The following DMD variants were observed in gnomAD, a reference collection of about 807,000 sequenced individuals.
DMD encodes the protein mutant dystrophin.
Under a neutral mutation model 330.1 loss-of-function variants are expected in DMD, and 63 were observed. The observed-to-expected ratio is 0.19, with a 90% CI of 0.16 to 0.24. The LOEUF (loss-of-function observed/expected upper bound fraction) is 0.24. Ranked by LOEUF, DMD falls within the 10% of genes least tolerant of loss-of-function variation. DMD has a pLI of 1.00. For synonymous variants in DMD, 1,223 were observed against 959.8 expected (o/e 1.27, Z -5.07); for missense variants, 3,344 against 2,684.1 (o/e 1.25, Z -5.43).
chrX:32,299,371 A>AC (rs1460253569), intron 42 of DMD, among the ~76,000 whole-genome samples: 1 of 109,946 alleles, frequency 9.1e-6, no homozygotes, highest in Non-Finnish European at 1.9e-5. Context: ...CCAGGAAAAA[A>AC]AAGAAAAAAC....
chrX:33,150,115 C>T (rs1463495230), intron 1 of DMD, among the ~76,000 whole-genome samples: 1 of 110,274 alleles, frequency 9.1e-6, no homozygotes, highest in African/African-American at 3.3e-5. Context: ...ATAAACAGGC[C>T]TTTGGGAGAG....
chrX:32,496,785 A>T (rs1431688207), intron 19 of DMD, among the ~76,000 whole-genome samples: 1 of 112,832 alleles, frequency 8.9e-6, no homozygotes, highest in Non-Finnish European at 1.9e-5. Context: ...AAAAACATTT[A>T]TTGAATGTGA....
At chrX:33,012,637 C>A (rs1387517406) in intron 2 of DMD, among the ~76,000 whole-genome samples, 1 of 111,150 alleles carries the variant, frequency 9.0e-6, no homozygotes, top group South Asian at 3.7e-4. Flanking sequence ...TTTGAGTACC[C>A]ATACATGCAT....
At chrX:31,251,634 ACTAT>A (rs1254620433) in intron 63 of DMD, among the ~76,000 whole-genome samples, 1 of 112,479 alleles carries the variant, frequency 8.9e-6, no homozygotes, top group African/African-American at 3.2e-5. Context: ...GACTTTAAAA[ACTAT>A]CTATTTTATG....
At chrX:32,838,275 C>T in intron 4 of DMD, among the ~76,000 whole-genome samples, 1 of 110,721 alleles carries the variant, frequency 9.0e-6, no homozygotes. Context: ...TTTTATTATT[C>T]TTTAAGTTCT....
chrX:31,228,417 G>A (rs2046886676), intron 63 of DMD, among the ~76,000 whole-genome samples: 1 of 110,895 alleles, frequency 9.0e-6, no homozygotes, highest in South Asian at 3.9e-4. Flanking sequence ...ACTCAAGAGA[G>A]TTAACTGCCT....
intron 17 of DMD, among the ~76,000 whole-genome samples, chrX:32,518,869 C>A (rs187050162): frequency 4.1e-4 from 45 of 110,214 alleles, no homozygotes; most frequent in Admixed American, 8.8e-4. Flanking sequence ...AAGAAATACC[C>A]AAAGGGCACT....
At chrX:31,327,396 G>C (rs1171846146) in intron 61 of DMD, among the ~76,000 whole-genome samples, 1 of 111,997 alleles carries the variant, frequency 8.9e-6, no homozygotes, top group African/African-American at 3.2e-5. Context: ...CATTATTTAG[G>C]GGAAGTTGTT....
At chrX:32,621,869 G>A (rs983509227) in intron 11 of DMD, among the ~76,000 whole-genome samples, 2 of 111,384 alleles carry the variant, frequency 1.8e-5, no homozygotes, top group Non-Finnish European at 3.8e-5. Flanking sequence ...TGCTAGAAGT[G>A]CAAATTCAAA....
Position 32,614,472 on chromosome X carries a change from C to G in DMD, c.1332-19G>C, listed in dbSNP as rs2057408162. 8.6e-7 allele frequency: 1 copy of G among 1,168,973 alleles called. No homozygotes were observed. The highest frequency in any genetic ancestry group is 1.2e-6 in the Non-Finnish European group (1 of 861,255). On this transcript the variant is annotated intron_variant, in intron 11 of 78. Transcript: ENST00000357033. ...ATGTAAACTGAAAATTTGAAAGAAG[C>G]CTATTATGACCTCTTTGAAAGCAAC...
intron 2 of DMD, among the ~76,000 whole-genome samples, chrX:33,013,754 C>T (rs2093745364): frequency 8.9e-6 from 1 of 112,558 alleles, no homozygotes; most frequent in Admixed American, 9.4e-5. Flanking sequence ...CCAGTATCAT[C>T]CTTTTTTAAA....
At position 31,937,516 on chromosome X, in the gene DMD, C is replaced by G. The variant is rs778444451; in HGVS notation, c.6615-5289G>C. Among the ~76,000 whole-genome samples, 95 of 111,477 alleles carry G rather than the reference C, an allele frequency of 8.5e-4. 1 individual carries two copies. Among genetic ancestry groups the G allele is most frequent in the African/African-American group, 2.9e-3 (88 of 30,830 alleles). On this transcript the variant is annotated intron_variant, in intron 45 of 78. Coordinates refer to ENST00000357033, the MANE Select transcript of DMD (RefSeq NM_004006.3). ...ATTTCTTATCTAGATTTTTTTTATA[C>G]TTTGAAATATAAAAAAGATGGTGAC...
rs183536720 is a variant in DMD at position 33,163,554 on chromosome X, A to G, written c.31+47728T>C. Reference sequence around the variant, plus strand: ...CCATCTCAAAAATATATATGTGTGTATATATATATATATATATATATGTAT... The same window carrying G: ...CCATCTCAAAAATATATATGTGTGTGTATATATATATATATATATATGTAT... On this transcript the variant is annotated intron_variant, in intron 1 of 78. Transcript: ENST00000357033. Among the ~76,000 whole-genome samples the G allele has an allele frequency of 3.4e-3, 317 of 92,462 alleles. 2 individuals are homozygous for G. The highest frequency in any genetic ancestry group is 0.011 in the African/African-American group (211 of 20,036). 80.3% of individuals were successfully genotyped at this position (92,462 alleles called of 115,157 possible). A position where few individuals can be genotyped will look rare whatever the true frequency, so the allele number is the denominator to read the frequency against.
chrX:32,088,184 A>G (rs1243003961), intron 44 of DMD, among the ~76,000 whole-genome samples: 1 of 112,140 alleles, frequency 8.9e-6, no homozygotes, highest in East Asian at 2.8e-4. Context: ...AAATACAATA[A>G]CAGCTAATAT....
chrX:32,071,495 C>A (rs1347121830), intron 44 of DMD, among the ~76,000 whole-genome samples: 3 of 82,373 alleles, frequency 3.6e-5, no homozygotes, highest in Admixed American at 1.6e-4. Context: ...ACATCACACA[C>A]CGGGGCCTGT....
At chrX:32,739,933 A>AAC (rs980608327) in intron 7 of DMD, among the ~76,000 whole-genome samples, 7 of 110,189 alleles carry the variant, frequency 6.4e-5, no homozygotes, top group African/African-American at 2.3e-4. Context: ...CAAGTTTGAG[A>AAC]ACCCTTGTTT....
intron 55 of DMD, among the ~76,000 whole-genome samples, chrX:31,554,038 G>T (rs763752375): frequency 8.9e-6 from 1 of 112,396 alleles, no homozygotes; most frequent in East Asian, 2.8e-4. Context: ...TTCGCCAACA[G>T]CTATGCAGTG....
intron 27 of DMD, among the ~76,000 whole-genome samples, chrX:32,447,571 T>C (rs151287726): frequency 3.5e-3 from 391 of 111,714 alleles, no homozygotes; most frequent in African/African-American, 0.012. Context: ...CGTATCTTTC[T>C]TTAAATATCA....
chrX:32,401,438 T>C (rs937585694), intron 30 of DMD, among the ~76,000 whole-genome samples: 3 of 112,052 alleles, frequency 2.7e-5, no homozygotes, highest in African/African-American at 9.7e-5. Flanking sequence ...TGTACGTTAT[T>C]ACGTTAAGTG....
Sources: allele counts gnomAD v4.1 joint callset (sites outside exome capture counted in the v4.1 genomes callset), GRCh38; gene constraint gnomAD v4.1.1; transcripts MANE v1.5; gene names NCBI Gene and HGNC (gene_info 2026-07-23, HGNC 2026-07-21).